Variants in PLCL1 observed in about 807,000 individuals in gnomAD.
PLCL1 encodes the protein inactive phospholipase C-like protein 1.
A neutral mutation model predicts 84.4 loss-of-function variants in PLCL1; 41 were observed. That is an observed-to-expected ratio of 0.49 (90% CI 0.38 to 0.63). PLCL1 has a LOEUF of 0.63. Among genes scored for constraint, PLCL1 ranks in the 30% least tolerant of loss-of-function variants. The pLI, the probability that PLCL1 is intolerant of heterozygous loss-of-function variation, is 0.00. For synonymous variants in PLCL1, 490 were observed against 488.3 expected (o/e 1.00, Z -0.05); for missense variants, 1,206 against 1,367.8 (o/e 0.88, Z 1.87).
At chr2:198,039,567 T>C (rs1691613771) in intron 1 of PLCL1, among the ~76,000 whole-genome samples, 2 of 152,214 alleles carry the variant, frequency 1.3e-5, no homozygotes, top group Non-Finnish European at 2.9e-5. Flanking sequence ...TTTTGTTTTA[T>C]TGGAGTTGAA....
rs114801971 is a variant in PLCL1, at chr2:197,942,685, C to T, written c.240+137346C>T. Reference sequence around the variant, plus strand: ...AACATTTGATGAGTAAGTGTGGGTGCCCCAGTAAAGATTCTGGCTTCCTGC... The same window carrying T: ...AACATTTGATGAGTAAGTGTGGGTGTCCCAGTAAAGATTCTGGCTTCCTGC... On this transcript the variant is annotated intron_variant, in intron 1 of 5. Transcript: ENST00000428675. 2.0e-3 allele frequency among the ~76,000 whole-genome samples: 304 copies of T among 152,200 alleles called. 1 individual carries two copies. The highest frequency in any genetic ancestry group is 7.0e-3 in the African/African-American group (292 of 41,540).
At chr2:197,925,773 A>G (rs1408294409) in intron 1 of PLCL1, among the ~76,000 whole-genome samples, 1 of 134,056 alleles carries the variant, frequency 7.5e-6, no homozygotes, top group East Asian at 2.6e-4. Flanking sequence ...CCTCTACACC[A>G]GAGCCTCCTG....
intron 1 of PLCL1, among the ~76,000 whole-genome samples, chr2:197,950,333 G>T (rs1322203989): frequency 6.6e-6 from 1 of 151,986 alleles, no homozygotes; most frequent in Non-Finnish European, 1.5e-5. Context: ...CACAGCTGGG[G>T]GTCTCTCGTA....
intron 1 of PLCL1, among the ~76,000 whole-genome samples, chr2:197,818,191 G>A (rs1690731894): frequency 6.6e-6 from 1 of 152,134 alleles, no homozygotes; most frequent in African/African-American, 2.4e-5. Flanking sequence ...ACAAATCATT[G>A]TAGAAGTTGG....
chr2:197,821,694 A>G (rs1690820131), intron 1 of PLCL1, among the ~76,000 whole-genome samples: 1 of 152,084 alleles, frequency 6.6e-6, no homozygotes, highest in Non-Finnish European at 1.5e-5. Flanking sequence ...TTCATATCCC[A>G]CTGGCCCATT....
intron 1 of PLCL1, among the ~76,000 whole-genome samples, chr2:197,846,251 CAGGAA>C (rs1266095606): frequency 3.3e-5 from 5 of 151,906 alleles, no homozygotes; most frequent in Non-Finnish European, 7.4e-5. Flanking sequence ...TTGATAAGTA[CAGGAA>C]ATAAAAGATG....
intron 1 of PLCL1, among the ~76,000 whole-genome samples, chr2:197,996,389 C>T (rs1336197144): frequency 6.6e-6 from 1 of 151,970 alleles, no homozygotes; most frequent in South Asian, 2.1e-4. Flanking sequence ...ATATAGTTGT[C>T]AAAAGTCATA....
intron 1 of PLCL1, among the ~76,000 whole-genome samples, chr2:197,966,488 A>G (rs1196856443): frequency 1.3e-5 from 2 of 152,076 alleles, no homozygotes; most frequent in Non-Finnish European, 2.9e-5. Flanking sequence ...CCCTCCATTG[A>G]GTTTTGCCTG....
At chr2:197,903,468 A>ATTTTTTTTTTTTTTTTTTTTTTTTT (rs3056105) in intron 1 of PLCL1, among the ~76,000 whole-genome samples, 3 of 47,766 alleles carry the variant, frequency 6.3e-5, no homozygotes, top group Non-Finnish European at 1.0e-4. Flanking sequence ...CTCCATTTAA[A>ATTTTTTTTTTTTTTTTTTTTTTTTT]TTTTTTTTTT....
intron 1 of PLCL1, among the ~76,000 whole-genome samples, chr2:197,920,451 C>T (rs2105754170): frequency 6.6e-6 from 1 of 152,124 alleles, no homozygotes; most frequent in East Asian, 1.9e-4. Context: ...ATTTTTCTAG[C>T]TCCTTTGAAA....
At chr2:198,121,822 GCAATTTGCTTTTGGCTTTT>G (rs1693874626) in intron 5 of PLCL1, among the ~76,000 whole-genome samples, 2 of 151,986 alleles carry the variant, frequency 1.3e-5, no homozygotes, top group African/African-American at 4.8e-5. Flanking sequence ...CACTGGACTG[GCAATTTGCTTTTGGCTTTT>G]TCTCTCAATA....
intron 1 of PLCL1, among the ~76,000 whole-genome samples, chr2:197,943,196 CA>C (rs869096042): frequency 0.37 from 38,913 of 104,892 alleles, 6,025 homozygotes; most frequent in Middle Eastern, 0.48. Context: ...GACCCTCTCT[CA>C]AAAAAAAAAA....
At chr2:197,924,919 TG>T (rs1688805742) in intron 1 of PLCL1, among the ~76,000 whole-genome samples, 1 of 152,168 alleles carries the variant, frequency 6.6e-6, no homozygotes, top group Admixed American at 6.5e-5. Context: ...GTGAAAGGAA[TG>T]CAAATTTCTA....
intron 1 of PLCL1, among the ~76,000 whole-genome samples, chr2:198,072,895 T>C (rs989958303): frequency 2.6e-5 from 4 of 152,186 alleles, no homozygotes; most frequent in Non-Finnish European, 4.4e-5. Flanking sequence ...AGATCTATAA[T>C]TCACTTCTCT....
intron 5 of PLCL1, among the ~76,000 whole-genome samples, chr2:198,136,477 C>T (rs554537988): frequency 1.1e-4 from 17 of 151,608 alleles, no homozygotes; most frequent in Middle Eastern, 3.4e-3. Context: ...AATATGGTTA[C>T]GATTCAAAGT....
intron 1 of PLCL1, among the ~76,000 whole-genome samples, chr2:197,891,770 T>C (rs899508279): frequency 1.3e-5 from 2 of 152,168 alleles, no homozygotes; most frequent in African/African-American, 4.8e-5. Context: ...GGCCGGGCAG[T>C]GTTCAGTGCT....
intron 3 of PLCL1, among the ~76,000 whole-genome samples, chr2:198,099,433 A>G (rs1000426016): frequency 6.6e-6 from 1 of 152,062 alleles, no homozygotes; most frequent in Non-Finnish European, 1.5e-5. Context: ...TGTTTTTTCT[A>G]TAGCTACTAA....
chr2:197,896,938 T>A (rs1054946786), intron 1 of PLCL1, among the ~76,000 whole-genome samples: 1 of 152,192 alleles, frequency 6.6e-6, no homozygotes, highest in African/African-American at 2.4e-5. Flanking sequence ...TTAGAGCAGA[T>A]AGAAAGAAGA....
intron 5 of PLCL1, among the ~76,000 whole-genome samples, chr2:198,105,628 G>GTGTGTA (rs1553518576): frequency 6.6e-6 from 1 of 151,564 alleles, no homozygotes; most frequent in Non-Finnish European, 1.5e-5. Flanking sequence ...GTGTGTGTGT[G>GTGTGTA]TGTGTGTGTG....
Sources: allele counts gnomAD v4.1 joint callset (sites outside exome capture counted in the v4.1 genomes callset), GRCh38; gene constraint gnomAD v4.1.1; transcripts MANE v1.5; gene names NCBI Gene and HGNC (gene_info 2026-07-23, HGNC 2026-07-21).